The following ANGPT2 variants were observed in gnomAD, a reference collection of about 807,000 sequenced individuals.
ANGPT2 encodes the protein angiopoietin-2.
In ANGPT2, 28 loss-of-function variants were observed where a neutral mutation model predicts 62.9. The observed-to-expected ratio is 0.44, with a 90% CI of 0.33 to 0.61. The LOEUF (loss-of-function observed/expected upper bound fraction) is 0.61. ANGPT2 is among the 20% of genes least tolerant of loss of function. The probability of loss-of-function intolerance (pLI) is 0.03; values close to 1 mark genes in which losing one functional copy is unlikely to be tolerated. For missense variants in ANGPT2, 727 were observed against 594.9 expected (o/e 1.22, Z -2.31); for synonymous variants, 284 against 207.8 (o/e 1.37, Z -3.15).
At chr8:6,536,211 G>A (rs547969974) in intron 1 of ANGPT2, among the ~76,000 whole-genome samples, 12 of 152,172 alleles carry the variant, frequency 7.9e-5, no homozygotes, top group African/African-American at 2.2e-4. Context: ...AGAAACACTA[G>A]CGACAGGAAC....
At position 6,530,454 on chromosome 8, in the gene ANGPT2, A is replaced by C. The variant is rs918034114; in HGVS notation, c.444+1878T>G. Among the ~76,000 whole-genome samples, 4 of 150,774 alleles carry C rather than the reference A, an allele frequency of 2.7e-5. No individual in the cohort carries two copies. In the South Asian group the frequency reaches 8.4e-4, roughly 32 times the overall value. ...AACCCGGGAGGTGGAGGTTGCAGCA[A>C]GTCGAGATCACACCACTGCACTCCA... On this transcript the variant is annotated intron_variant, in intron 2 of 8. Coordinates refer to ENST00000629816, the MANE Select transcript of ANGPT2 (RefSeq NM_001118887.2).
chr8:6,533,075 C>T (rs1189672932), intron 1 of ANGPT2, among the ~76,000 whole-genome samples: 1 of 152,198 alleles, frequency 6.6e-6, no homozygotes, highest in African/African-American at 2.4e-5. Context: ...TGAGTTAATT[C>T]GACCTATTAA....
At position 6,554,727 on chromosome 8, in the gene ANGPT2, A is replaced by T. The variant is rs150982767; in HGVS notation, c.288+7920T>A. ...GGAGAACCAGTCTGATTTTGGAGAA[A>T]GTAATTACCATCAGAGGAGCCCTCG... On this transcript the variant is annotated intron_variant, in intron 1 of 8. Coordinates refer to ENST00000629816, the MANE Select transcript of ANGPT2 (RefSeq NM_001118887.2). Among the ~76,000 whole-genome samples the T allele has an allele frequency of 1.3e-4, 20 of 152,338 alleles. No homozygotes were observed. In the East Asian group the frequency reaches 2.9e-3, roughly 22 times the overall value.
intron 1 of ANGPT2, among the ~76,000 whole-genome samples, chr8:6,543,976 T>C (rs1445113482): frequency 1.3e-5 from 2 of 152,252 alleles, no homozygotes; most frequent in East Asian, 1.9e-4. Flanking sequence ...AGTTGCAATA[T>C]ATTTTAAGCA....
At position 6,562,699 on chromosome 8, in the gene ANGPT2, C is replaced by T. The variant is rs528884957; in HGVS notation, c.236G>A (p.Arg79Lys). The change falls in exon 1 of 9, where the codon AGG becomes AAG. Residue 79 changes from arginine (R) to lysine (K), a missense_variant. Physicochemically the swap from Arg to Lys is conservative, Grantham distance 26. Transcript: ENST00000629816. ...APLEYDDSVQ[R>K]LQVLENIMEN... ...CATGATGTTCTCCAGCACTTGCAGC[C>T]TCTGCACCGAGTCATCGTATTCGAG... 2 of 1,612,370 alleles carry T rather than the reference C, an allele frequency of 1.2e-6. No homozygotes were observed. Among genetic ancestry groups the T allele is most frequent in the African/African-American group, 1.3e-5 (1 of 74,878 alleles).
At chr8:6,546,555 A>G (rs1426287411) in intron 1 of ANGPT2, among the ~76,000 whole-genome samples, 1 of 152,192 alleles carries the variant, frequency 6.6e-6, no homozygotes, top group Non-Finnish European at 1.5e-5. Context: ...TTAAAACTCA[A>G]TTTATATGTA....
chr8:6,532,396 A>G lies in ANGPT2; in HGVS notation c.380T>C (p.Ile127Thr), dbSNP rs773239022. ...VQNQTAVMIE[I>T]GTNLLNQTAE... ...TGTTTGGTTCAACAGGTTTGTCCCTATTTCTATCATCACAGCCGTCTGGTT... is the reference window on the plus strand; with the variant it reads ...TGTTTGGTTCAACAGGTTTGTCCCTGTTTCTATCATCACAGCCGTCTGGTT... The change falls in exon 2 of 9, where the codon ATA (isoleucine) becomes ACA (threonine). Residue 127 changes from isoleucine (I) to threonine (T), a missense_variant. Ile to Thr is a moderately conservative substitution (Grantham distance 89). Coordinates refer to ENST00000629816, the MANE Select transcript of ANGPT2 (RefSeq NM_001118887.2). The G allele has an allele frequency of 1.2e-6, 2 of 1,614,054 alleles. No homozygotes were observed. The highest frequency in any genetic ancestry group is 1.7e-6 in the Non-Finnish European group (2 of 1,180,004).
At chr8:6,529,613 C>T (rs998989976) in intron 2 of ANGPT2, among the ~76,000 whole-genome samples, 3 of 149,244 alleles carry the variant, frequency 2.0e-5, no homozygotes, top group East Asian at 2.0e-4. Context: ...CACACAAGCA[C>T]GCCTGGCTAA....
rs1209467949 is a variant in ANGPT2 at position 6,501,053 on chromosome 8, G to C, written c.*2048C>G. Reference sequence around the variant, plus strand: ...GTTTTTCAACTTGATACAAGGCCATGATACCGTTGTTGAATTCATAAAACC... The same window carrying C: ...GTTTTTCAACTTGATACAAGGCCATCATACCGTTGTTGAATTCATAAAACC... On this transcript the variant is annotated 3_prime_UTR_variant, in exon 9 of 9. Transcript: ENST00000629816. The C allele has an allele frequency of 6.6e-6, 1 of 152,204 alleles. No individual in the cohort carries two copies. Among genetic ancestry groups the C allele is most frequent in the East Asian group, 1.9e-4 (1 of 5,198 alleles). The allele number at this position is 152,204 out of a possible 1,614,324, so 9.4% of individuals were successfully genotyped here.
intron 8 of ANGPT2, among the ~76,000 whole-genome samples, chr8:6,506,913 T>C (rs1268003589): frequency 1.3e-5 from 2 of 152,200 alleles, no homozygotes; most frequent in African/African-American, 4.8e-5. Flanking sequence ...CTTTTTTTTT[T>C]TGAGACGGAG....
chr8:6,530,874 G>A (rs1225683270), intron 2 of ANGPT2, among the ~76,000 whole-genome samples: 1 of 152,184 alleles, frequency 6.6e-6, no homozygotes, highest in African/African-American at 2.4e-5. Flanking sequence ...TACGAGAGTG[G>A]CAGGGCTTAT....
chr8:6,544,184 A>C (rs1466998291), intron 1 of ANGPT2, among the ~76,000 whole-genome samples: 1 of 152,250 alleles, frequency 6.6e-6, no homozygotes, highest in Non-Finnish European at 1.5e-5. Flanking sequence ...ACGAATCAAC[A>C]TATTTACCAT....
Position 6,521,388 on chromosome 8 carries a change from C to A in ANGPT2, c.589G>T (p.Ala197Ser). 2 of 1,611,020 alleles carry A rather than the reference C, an allele frequency of 1.2e-6. No individual in the cohort carries two copies. Among genetic ancestry groups the A allele is most frequent in the South Asian group, 2.2e-5 (2 of 90,470 alleles). ...KNSFLEKKVL[A>S]MEDKHIIQLQ... ...TGGATGATGTGCTTGTCTTCCATAG[C>A]TAGCACCTTCTTTTCTAGGAAACTT... Residue 197 changes from alanine (A) to serine (S), a missense_variant, in exon 4 of 9, where the codon GCT (alanine) becomes TCT (serine). Transcript: ENST00000629816.
chr8:6,507,140 C>T (rs1370495075), intron 8 of ANGPT2, among the ~76,000 whole-genome samples: 1 of 152,174 alleles, frequency 6.6e-6, no homozygotes, highest in South Asian at 2.1e-4. Flanking sequence ...TCAGGTGATC[C>T]ATCCACCTTG....
At chr8:6,509,466 G>A (rs1031676862) in intron 7 of ANGPT2, among the ~76,000 whole-genome samples, 6 of 152,180 alleles carry the variant, frequency 3.9e-5, no homozygotes, top group Non-Finnish European at 8.8e-5. Flanking sequence ...TTTTCCGCAG[G>A]GGGCCCCGGG....
At chr8:6,527,452 A>G (rs1818540667) in intron 3 of ANGPT2, 103 bp downstream of exon 3, 1 of 1,421,846 alleles carries the variant, frequency 7.0e-7, no homozygotes, top group Non-Finnish European at 9.6e-7. Context: ...CTTACACTAG[A>G]CATGAAGAAA....
intron 1 of ANGPT2, among the ~76,000 whole-genome samples, chr8:6,533,622 C>T (rs1258800806): frequency 7.1e-6 from 1 of 141,582 alleles, no homozygotes; most frequent in Non-Finnish European, 1.5e-5. Flanking sequence ...ACCATTCTTC[C>T]ATTCCCTGGT....
Position 6,519,853 on chromosome 8 carries a change from G to T in ANGPT2, c.927+11C>A, listed in dbSNP as rs373427487. ...AGCCAGGGAGTTAGTAAGGGGAGACGAATACCTCACCTTGATCTCTTCTGT... is the reference window on the plus strand; with the variant it reads ...AGCCAGGGAGTTAGTAAGGGGAGACTAATACCTCACCTTGATCTCTTCTGT... On this transcript the variant is annotated intron_variant, in intron 5 of 8. Transcript: ENST00000629816. 1.2e-6 allele frequency: 2 copies of T among 1,613,110 alleles called. No homozygotes were observed. The highest frequency in any genetic ancestry group is 2.7e-5 in the African/African-American group (2 of 74,904).
intron 1 of ANGPT2, among the ~76,000 whole-genome samples, chr8:6,547,183 G>A (rs1822754072): frequency 6.6e-6 from 1 of 151,888 alleles, no homozygotes; most frequent in African/African-American, 2.4e-5. Flanking sequence ...TTGCTCTAAG[G>A]TGAACTAGTT....
Sources: gnomAD v4.1 joint callset for allele counts (sites outside exome capture counted in the v4.1 genomes callset) on GRCh38, gnomAD v4.1.1 for gene constraint, MANE v1.5 for transcripts, NCBI Gene and HGNC (gene_info 2026-07-23, HGNC 2026-07-21) for gene names.